Variants in SIN3B observed in about 807,000 individuals in gnomAD.
SIN3B encodes paired amphipathic helix protein Sin3b.
Under a neutral mutation model 120.2 loss-of-function variants are expected in SIN3B, and 19 were observed. That is an observed-to-expected ratio of 0.16 (90% CI 0.11 to 0.23). The LOEUF (loss-of-function observed/expected upper bound fraction) is 0.23, where lower values mean the gene tolerates loss of function less well. SIN3B is among the 10% of genes least tolerant of loss of function. The pLI, the probability that SIN3B is intolerant of heterozygous loss-of-function variation, is 1.00. For missense variants in SIN3B, 1,073 were observed against 1,573.0 expected (o/e 0.68, Z 5.38); for synonymous variants, 654 against 653.2 (o/e 1.00, Z -0.02).
Position 16,829,909 on chromosome 19 carries a change from G to C in SIN3B, c.227+12G>C, listed in dbSNP as rs769019009. 1 of 1,597,206 alleles carries C rather than the reference G, an allele frequency of 6.3e-7. No homozygotes were observed. Among genetic ancestry groups the C allele is most frequent in the Non-Finnish European group, 8.6e-7 (1 of 1,165,150 alleles). On this transcript the variant is annotated intron_variant, in intron 2 of 18. Transcript: ENST00000248054. Reference sequence around the variant, plus strand: ...TTCAAAAGCCAGAGGTACCAGCGGGGCCCCTCTCCACCTCAGGGGACCCCC... The same window carrying C: ...TTCAAAAGCCAGAGGTACCAGCGGGCCCCCTCTCCACCTCAGGGGACCCCC...
At chr19:16,829,765 C>T (rs1410554157) in intron 1 of SIN3B, 26 bp from the exon 2 acceptor site, 4 of 1,582,840 alleles carry the variant, frequency 2.5e-6, no homozygotes, top group Non-Finnish European at 3.5e-6. Context: ...GGCCAGGGCC[C>T]ACCGGGACCC....
At chr19:16,831,315 G>T (rs1295946610) in intron 2 of SIN3B, among the ~76,000 whole-genome samples, 179 bp from the exon 3 acceptor site, 1 of 152,028 alleles carries the variant, frequency 6.6e-6, no homozygotes, top group Non-Finnish European at 1.5e-5. Flanking sequence ...TGCCTGCCTC[G>T]GCCTCCTAAA....
rs375222028 is a variant in SIN3B, at chr19:16,869,588, G to T, written c.1935G>T (p.Pro645=). ...ALISYYVKRQ[P]AIQKEDQGTI... is the part of the protein sequence containing the mutation. ...TCAGCTACTACGTGAAGCGGCAGCC[G>T]GCCATCCAGAAGGAGGACCAGGGCA... The change falls in exon 13 of 19, where the codon CCG becomes CCT. Residue 645 remains proline (P), a synonymous_variant. Transcript: ENST00000248054. The T allele has an allele frequency of 3.2e-5, 51 of 1,613,520 alleles. No individual in the cohort carries two copies. In the African/African-American group the frequency reaches 6.3e-4, roughly 20 times the overall value.
intron 9 of SIN3B, chr19:16,863,336 A>G (rs1971715462): frequency 4.2e-6 from 2 of 474,060 alleles, no homozygotes; most frequent in South Asian, 2.6e-5. Flanking sequence ...TGTAACAATG[A>G]TCTACACAGC....
At position 16,841,774 on chromosome 19, in the gene SIN3B, T is replaced by G; in HGVS notation, c.388T>G (p.Ser130Ala). 1 of 1,613,848 alleles carries G rather than the reference T, an allele frequency of 6.2e-7. No individual in the cohort carries two copies. The highest frequency in any genetic ancestry group is 8.5e-7 in the Non-Finnish European group (1 of 1,179,858). Residue 130 changes from serine to alanine, a missense_variant, in exon 4 of 19, where the codon TCG (serine) becomes GCG (alanine). Transcript: ENST00000248054. ...IQSPLTSQEN[S>A]HNHGDGAEDF... ...CTCATTGTCGCCTTGTCAGGAGAATTCGCACAACCACGGGGACGGTGCAGA... is the reference window on the plus strand; with the variant it reads ...CTCATTGTCGCCTTGTCAGGAGAATGCGCACAACCACGGGGACGGTGCAGA...
chr19:16,831,563 A>G lies in SIN3B; in HGVS notation c.297A>G (p.Gly99=). 6.2e-7 allele frequency: 1 copy of G among 1,613,944 alleles called. No homozygotes were observed. The highest frequency in any genetic ancestry group is 8.5e-7 in the Non-Finnish European group (1 of 1,179,912). ...LFHEHPDLIV[G]FNAFLPLGYR... ...ACGAGCACCCTGACCTCATTGTTGG[A>G]TTCAACGCTTTTCTTCCCCTCGGAT... Residue 99 remains glycine (G), a synonymous_variant, in exon 3 of 19, where the codon GGA becomes GGG. Transcript: ENST00000248054.
chr19:16,856,995 T>G (rs1599602465), intron 8 of SIN3B, among the ~76,000 whole-genome samples: 1 of 152,210 alleles, frequency 6.6e-6, no homozygotes, highest in South Asian at 2.1e-4. Context: ...CTTGTGGCTG[T>G]AGCGTTCACC....
At chr19:16,856,780 C>G (rs1031413213) in intron 8 of SIN3B, among the ~76,000 whole-genome samples, 3 of 152,116 alleles carry the variant, frequency 2.0e-5, no homozygotes, top group Non-Finnish European at 4.4e-5. Context: ...CCATGTTGGC[C>G]AGGCTGGTCT....
intron 6 of SIN3B, 97 bp from the exon 7 acceptor site, chr19:16,852,972 G>T: frequency 1.0e-6 from 1 of 960,440 alleles, no homozygotes; most frequent in South Asian, 1.6e-5. Context: ...TCCCAAAGGA[G>T]AGCACGGTCT....
chr19:16,866,629 C>T lies in SIN3B; in HGVS notation c.1806+73C>T, dbSNP rs1051126559. On this transcript the variant is annotated intron_variant, in intron 12 of 18. Coordinates refer to ENST00000248054, the MANE Select transcript of SIN3B (RefSeq NM_001297595.2). ...TCTCCCGACCGCCGGGTCTGTGCCT[C>T]TGTTTCCCTGGTGGTTAGGCAGGGT... 4 of 1,455,060 alleles carry T rather than the reference C, an allele frequency of 2.7e-6. No homozygotes were observed. In the African/African-American group the frequency reaches 5.6e-5, roughly 21 times the overall value. The allele number at this position is 1,455,060 out of a possible 1,614,324, so 90.1% of individuals were successfully genotyped here.
chr19:16,861,619 C>T (rs1971688621), intron 8 of SIN3B, among the ~76,000 whole-genome samples: 1 of 152,024 alleles, frequency 6.6e-6, no homozygotes. Context: ...AAAAATTAGC[C>T]GGGCATGGTG....
intron 4 of SIN3B, among the ~76,000 whole-genome samples, chr19:16,843,731 A>G (rs752488518): frequency 3.3e-5 from 5 of 152,242 alleles, no homozygotes; most frequent in Non-Finnish European, 7.3e-5. Flanking sequence ...ATGGGAAGGG[A>G]CAACGCAGTA....
chr19:16,873,956 A>G (rs1023306716), intron 14 of SIN3B, among the ~76,000 whole-genome samples: 2 of 152,330 alleles, frequency 1.3e-5, no homozygotes, highest in African/African-American at 4.8e-5. Context: ...TCTGAAACCT[A>G]TGCGTGTCCA....
chr19:16,878,280 A>G lies in SIN3B; in HGVS notation c.3052A>G (p.Ser1018Gly). The change falls in exon 18 of 19, where the codon AGC becomes GGC. Residue 1018 changes from serine to glycine, a missense_variant. By Grantham distance (56) the Ser-to-Gly change is moderately conservative. Around this residue, in one of 7 missense-constraint regions of SIN3B, gnomAD observed 311 missense variants for 400.3 expected, o/e 0.78. Coordinates refer to ENST00000248054, the MANE Select transcript of SIN3B (RefSeq NM_001297595.2). ...CTGGAAGCGGCTGGTGGGCGTGGAG[A>G]GCGCCTGCGACGTGGACTGCCGCTT... ...SSWKRLVGVE[S>G]ACDVDCRFKL... 1 of 1,602,076 alleles carries G rather than the reference A, an allele frequency of 6.2e-7. No homozygotes were observed. The highest frequency in any genetic ancestry group is 8.5e-7 in the Non-Finnish European group (1 of 1,175,108).
chr19:16,831,464 C>T (rs770467693), intron 2 of SIN3B, 30 bp from the exon 3 acceptor site: 3 of 1,605,940 alleles, frequency 1.9e-6, no homozygotes, highest in South Asian at 2.2e-5. Flanking sequence ...TTCCCAAGAC[C>T]CTTTTGCCCA....
intron 8 of SIN3B, among the ~76,000 whole-genome samples, chr19:16,858,624 G>A (rs1328474323): frequency 1.3e-5 from 2 of 152,128 alleles, no homozygotes; most frequent in African/African-American, 4.8e-5. Flanking sequence ...TACTTTGGGA[G>A]GCCGAGGGGG....
chr19:16,868,745 T>C (rs980337391), intron 12 of SIN3B, among the ~76,000 whole-genome samples: 17 of 152,142 alleles, frequency 1.1e-4, no homozygotes, highest in African/African-American at 4.1e-4. Flanking sequence ...ACCATGCTCC[T>C]GTGGGCCAAG....
chr19:16,878,794 C>T lies in SIN3B; in HGVS notation c.*67C>T, dbSNP rs941971331. 1.5e-5 allele frequency: 21 copies of T among 1,391,234 alleles called. No individual in the cohort carries two copies. Among genetic ancestry groups the T allele is most frequent in the East Asian group, 1.2e-4 (5 of 40,068 alleles). 86.2% of individuals were successfully genotyped at this position (1,391,234 alleles called of 1,614,324 possible). A position where few individuals can be genotyped will look rare whatever the true frequency, so the allele number is the denominator to read the frequency against. On this transcript the variant is annotated 3_prime_UTR_variant, in exon 19 of 19. Coordinates refer to ENST00000248054, the MANE Select transcript of SIN3B (RefSeq NM_001297595.2). ...GACGTGCCCTCGGCCTTGGTCGTGT[C>T]GGGGCCGTTTTCTTGAACGACGTGA...
At chr19:16,870,587 C>G (rs938478190) in intron 13 of SIN3B, among the ~76,000 whole-genome samples, 6 of 151,968 alleles carry the variant, frequency 3.9e-5, no homozygotes, top group African/African-American at 1.5e-4. Flanking sequence ...GAGTCTTGCT[C>G]TATTGCCCAG....
Sources: gnomAD v4.1 joint callset for allele counts (sites outside exome capture counted in the v4.1 genomes callset) on GRCh38, gnomAD v4.1.1 for gene constraint, gnomAD v4.1.1 regional missense constraint, MANE v1.5 for transcripts, NCBI Gene and HGNC (gene_info 2026-07-23, HGNC 2026-07-21) for gene names.